The following SPAG16 variants were observed in gnomAD, a reference collection of about 807,000 sequenced individuals.
SPAG16 encodes sperm associated antigen 16, also known as sperm-associated antigen 16 protein.
Under a neutral mutation model 80.4 loss-of-function variants are expected in SPAG16, and 86 were observed. That is an observed-to-expected ratio of 1.07 (90% CI 0.90 to 1.28). The LOEUF is 1.28. Ranked by LOEUF, SPAG16 falls within the 50% of genes most tolerant of loss-of-function variation. The pLI, the probability that SPAG16 is intolerant of heterozygous loss-of-function variation, is 0.00. For missense variants in SPAG16, 870 were observed against 765.3 expected (o/e 1.14, Z -1.61); for synonymous variants, 294 against 265.9 (o/e 1.11, Z -1.03).
intron 15 of SPAG16, among the ~76,000 whole-genome samples, chr2:214,244,166 AT>A (rs1450174135): frequency 2.6e-5 from 4 of 152,076 alleles, no homozygotes; most frequent in Admixed American, 2.6e-4. Context: ...ATACTGAAAA[AT>A]ATTTAAATTG....
chr2:213,552,502 CAACTCAACTGTTTCTGTGTT>C (rs1292461617), intron 10 of SPAG16, among the ~76,000 whole-genome samples: 1 of 152,168 alleles, frequency 6.6e-6, no homozygotes, highest in East Asian at 1.9e-4. Flanking sequence ...TTCATTTTCT[CAACTCAACTGTTTCTGTGTT>C]GAAATATTTA....
chr2:213,289,300 A>G (rs1052687442), intron 1 of SPAG16, among the ~76,000 whole-genome samples: 1 of 152,238 alleles, frequency 6.6e-6, no homozygotes, highest in Non-Finnish European at 1.5e-5. Flanking sequence ...GAAGTTGGAA[A>G]GACTTATACC....
At chr2:214,031,559 A>G (rs918663638) in intron 13 of SPAG16, among the ~76,000 whole-genome samples, 1 of 147,040 alleles carries the variant, frequency 6.8e-6, no homozygotes, top group Admixed American at 6.8e-5. Flanking sequence ...ACTAACCTGC[A>G]CATTGTGCAC....
intron 11 of SPAG16, among the ~76,000 whole-genome samples, chr2:213,865,723 A>G (rs533009893): frequency 2.4e-4 from 35 of 147,656 alleles, no homozygotes; most frequent in Admixed American, 2.2e-3. Context: ...ATATATTTAT[A>G]TACATATAAA....
chr2:213,611,075 T>G (rs963012346), intron 10 of SPAG16, among the ~76,000 whole-genome samples: 2 of 152,194 alleles, frequency 1.3e-5, no homozygotes, highest in African/African-American at 4.8e-5. Flanking sequence ...GGAGTCACTC[T>G]GGTTCGAACG....
Position 213,980,725 on chromosome 2 carries a change from TAGAGAGAG to T in SPAG16, c.1401-33199_1401-33192del, listed in dbSNP as rs1553686631. 6.0e-3 allele frequency among the ~76,000 whole-genome samples: 628 copies of T among 103,992 alleles called. 7 individuals carry two copies. The highest frequency in any genetic ancestry group is 0.03 in the African/African-American group (593 of 20,090). 68.2% of individuals were successfully genotyped at this position (103,992 alleles called of 152,430 possible). A position where few individuals can be genotyped will look rare whatever the true frequency, so the allele number is the denominator to read the frequency against. On this transcript the variant is annotated intron_variant, in intron 12 of 15. Coordinates refer to ENST00000331683, the MANE Select transcript of SPAG16 (RefSeq NM_024532.5). ...GTGTGTGTGTGTGTATATATATATA[TAGAGAGAG>T]AGAGAGAGAGAGAGAGAGAGAGAGA...
intron 10 of SPAG16, among the ~76,000 whole-genome samples, chr2:213,587,189 T>C (rs552477259): frequency 1.1e-4 from 16 of 152,260 alleles, no homozygotes; most frequent in African/African-American, 3.6e-4. Context: ...CAATTTTCTT[T>C]CTGGGCCCTA....
chr2:214,249,385 C>T (rs938695399), intron 15 of SPAG16, among the ~76,000 whole-genome samples: 3 of 151,312 alleles, frequency 2.0e-5, no homozygotes, highest in African/African-American at 7.3e-5. Flanking sequence ...TTACCACCCA[C>T]AGATGTACAC....
chr2:214,291,556 C>T (rs373171887), intron 15 of SPAG16, among the ~76,000 whole-genome samples: 2 of 151,852 alleles, frequency 1.3e-5, no homozygotes, highest in Admixed American at 6.6e-5. Context: ...CCGCCCGCCT[C>T]GGCCTCCCAA....
At chr2:213,463,219 G>A (rs1419004894) in intron 9 of SPAG16, among the ~76,000 whole-genome samples, 3 of 152,210 alleles carry the variant, frequency 2.0e-5, no homozygotes, top group Non-Finnish European at 2.9e-5. Context: ...TGTAAGCATC[G>A]AAGCATTAAA....
At chr2:213,702,907 C>G (rs564905529) in intron 10 of SPAG16, among the ~76,000 whole-genome samples, 1 of 152,304 alleles carries the variant, frequency 6.6e-6, no homozygotes, top group Admixed American at 6.5e-5. Flanking sequence ...AGGTGGGCTT[C>G]TCTTTGGGTT....
chr2:214,018,045 A>G (rs551404883), intron 13 of SPAG16, among the ~76,000 whole-genome samples: 7 of 152,120 alleles, frequency 4.6e-5, no homozygotes, highest in Non-Finnish European at 8.8e-5. Flanking sequence ...AAAAATTTAA[A>G]TTGATAGCTA....
intron 10 of SPAG16, among the ~76,000 whole-genome samples, chr2:213,523,262 G>A (rs540114022): frequency 1.3e-5 from 2 of 152,244 alleles, no homozygotes; most frequent in Admixed American, 6.5e-5. Flanking sequence ...CCTTTCTGCC[G>A]CCATGTGAAG....
rs77915857 is a variant in SPAG16, at chr2:214,249,561, A to G, written c.1720+100295A>G. ...TTCATTTAACTAGTAACTGTAAAAA[A>G]CAAATTATTTTTATATGACAAGTAA... On this transcript the variant is annotated intron_variant, in intron 15 of 15. Transcript: ENST00000331683. Among the ~76,000 whole-genome samples, 479 of 152,304 alleles carry G rather than the reference A, an allele frequency of 3.1e-3. 4 individuals are homozygous for G. The highest frequency in any genetic ancestry group is 0.011 in the African/African-American group (460 of 41,574).
At chr2:213,759,092 G>C (rs1037987336) in intron 10 of SPAG16, among the ~76,000 whole-genome samples, 4 of 152,100 alleles carry the variant, frequency 2.6e-5, no homozygotes, top group Non-Finnish European at 5.9e-5. Flanking sequence ...CTTAAAGTGA[G>C]GGCGAAATTA....
At chr2:213,426,832 T>TAC (rs1201370364) in intron 9 of SPAG16, among the ~76,000 whole-genome samples, 32 of 65,324 alleles carry the variant, frequency 4.9e-4, no homozygotes, top group East Asian at 7.8e-4. Flanking sequence ...ATTATTCTGA[T>TAC]ACATACACAC....
At chr2:214,095,242 C>G (rs190197901) in intron 13 of SPAG16, among the ~76,000 whole-genome samples, 8 of 151,958 alleles carry the variant, frequency 5.3e-5, no homozygotes, top group Admixed American at 2.6e-4. Context: ...TTTCTCTGGC[C>G]GGTTGTTTTT....
At chr2:213,798,275 A>C (rs911718781) in intron 10 of SPAG16, among the ~76,000 whole-genome samples, 1 of 151,886 alleles carries the variant, frequency 6.6e-6, no homozygotes, top group African/African-American at 2.4e-5. Flanking sequence ...GTTTGTTTTG[A>C]GATGAAGTCT....
rs577059274 is a variant in SPAG16 at position 214,165,516 on chromosome 2, G to A, written c.1720+16250G>A. Reference sequence around the variant, plus strand: ...TTTTTTTTTTTTTTTTGCCAAAATTGACATCCAGTTTGTTTTAAGACAGTT... The same window carrying A: ...TTTTTTTTTTTTTTTTGCCAAAATTAACATCCAGTTTGTTTTAAGACAGTT... On this transcript the variant is annotated intron_variant, in intron 15 of 15. Transcript: ENST00000331683. Among the ~76,000 whole-genome samples, 6 of 45,046 alleles carry A rather than the reference G, an allele frequency of 1.3e-4. No homozygotes were observed. The East Asian group carries it at 4.3e-3, about 32-fold the overall frequency. 29.6% of individuals were successfully genotyped at this position (45,046 alleles called of 152,430 possible). A position where few individuals can be genotyped will look rare whatever the true frequency, so the allele number is the denominator to read the frequency against.
Sources: gnomAD v4.1 joint callset for allele counts (sites outside exome capture counted in the v4.1 genomes callset) on GRCh38, gnomAD v4.1.1 for gene constraint, MANE v1.5 for transcripts, NCBI Gene and HGNC (gene_info 2026-07-23, HGNC 2026-07-21) for gene names.